PDHX: variants seen among roughly 807,000 people sequenced by gnomAD.
The protein encoded by PDHX is pyruvate dehydrogenase protein X component, mitochondrial.
PDHX carries 33 observed loss-of-function variants against 55.3 expected under a neutral mutation model. The observed-to-expected ratio is 0.60, with a 90% confidence interval of 0.45 to 0.80. The LOEUF (loss-of-function observed/expected upper bound fraction) is 0.80, where lower values mean the gene tolerates loss of function less well. Ranked by LOEUF, PDHX falls within the 30% of genes least tolerant of loss-of-function variation. PDHX has a pLI of 0.00. For synonymous variants in PDHX, 226 were observed against 219.4 expected, an observed-to-expected ratio of 1.03 and a Z score of -0.27; for missense variants, 622 against 619.9, an observed-to-expected ratio of 1.00 and a Z score of -0.04.
intron 7 of PDHX, among the ~76,000 whole-genome samples, chr11:34,973,083 T>C (rs7117023): frequency 0.047 from 7,191 of 152,240 alleles, 542 homozygotes; most frequent in African/African-American, 0.16. Context: ...TCCTTTCAGC[T>C]CTGTCGGTTT....
At position 34,978,289 on chromosome 11, in the gene PDHX, A is replaced by G. The variant is rs565573712; in HGVS notation, c.1023+107A>G. The G allele has an allele frequency of 2.5e-3, 1,813 of 728,468 alleles. 7 individuals carry two copies. Among genetic ancestry groups the G allele is most frequent in the Middle Eastern group, 3.1e-3 (12 of 3,810 alleles). 45.1% of individuals were successfully genotyped at this position (728,468 alleles called of 1,614,324 possible). On this transcript the variant is annotated intron_variant, in intron 8 of 10. Transcript: ENST00000227868. ...ATTTTTAAATCACAAAAATTTTATA[A>G]TTGTCTTGCTAAAAATATCCTATCG... is the stretch of plus-strand genomic sequence containing the variant.
chr11:34,978,738 T>C (rs1342894562), intron 8 of PDHX, among the ~76,000 whole-genome samples: 1 of 151,582 alleles, frequency 6.6e-6, no homozygotes, highest in Non-Finnish European at 1.5e-5. Context: ...GTGCTGAGGG[T>C]GGAATGTGCC....
rs1590721698 is a variant in PDHX, at chr11:34,916,769, C to T, written c.114C>T (p.Ser38=). ...LVKGALGWSV[S]RGANWRWFHS... The stretch of plus-strand genomic sequence containing the variant: ...AGGGGGCTCTTGGGTGGTCTGTAAG[C>T]CGCGGAGCTAATTGGAGATGGTTTC... The change falls in exon 1 of 11, where the codon AGC becomes AGT. Residue 38 remains serine (S), a synonymous_variant. Transcript: ENST00000227868. 1 of 1,606,958 alleles carries T rather than the reference C, an allele frequency of 6.2e-7. No homozygotes were observed. The highest frequency in any genetic ancestry group is 8.5e-7 in the Non-Finnish European group (1 of 1,176,956).
At chr11:34,985,006 G>C in intron 9 of PDHX, 1 of 353,160 alleles carries the variant, frequency 2.8e-6, no homozygotes, top group Non-Finnish European at 5.2e-6. Context: ...ATTTTCCAAA[G>C]TCCAGAATTC....
chr11:34,963,482 G>A (rs553644018), intron 5 of PDHX, among the ~76,000 whole-genome samples: 2 of 152,246 alleles, frequency 1.3e-5, no homozygotes, highest in Admixed American at 6.5e-5. Flanking sequence ...TTCTCACTAG[G>A]TTGCCCAGGC....
intron 2 of PDHX, among the ~76,000 whole-genome samples, chr11:34,936,610 A>AC (rs935563515): frequency 2.6e-5 from 4 of 152,220 alleles, no homozygotes; most frequent in African/African-American, 9.6e-5. Context: ...ATACTTTTGC[A>AC]ACAGCAGGTA....
At chr11:34,968,041 G>C (rs1855172222) in intron 6 of PDHX, among the ~76,000 whole-genome samples, 1 of 152,058 alleles carries the variant, frequency 6.6e-6, no homozygotes, top group African/African-American at 2.4e-5. Context: ...AGGCTGAGGT[G>C]GGAGGATTGC....
chr11:34,922,481 A>T (rs551498299), intron 1 of PDHX, among the ~76,000 whole-genome samples: 30 of 152,192 alleles, frequency 2.0e-4, no homozygotes, highest in Non-Finnish European at 3.8e-4. Flanking sequence ...CTGTTTCCTT[A>T]ACCATAGTCT....
Position 34,995,752 on chromosome 11 carries a change from A to G in PDHX, c.*580A>G, listed in dbSNP as rs1215189525. 1 of 154,742 alleles carries G rather than the reference A, an allele frequency of 6.5e-6. No individual in the cohort carries two copies. The highest frequency in any genetic ancestry group is 6.4e-5 in the Admixed American group (1 of 15,586). The allele number at this position is 154,742 out of a possible 1,614,324, so 9.6% of individuals were successfully genotyped here. A position where few individuals can be genotyped will look rare whatever the true frequency, so the allele number is the denominator to read the frequency against. On this transcript the variant is annotated 3_prime_UTR_variant, in exon 11 of 11. Transcript: ENST00000227868. ...TTGAATTTTTTATGTACATAAAGCCATATGTTTAGGGTGGTTTCTATCTGT... is the reference window on the plus strand; with the variant it reads ...TTGAATTTTTTATGTACATAAAGCCGTATGTTTAGGGTGGTTTCTATCTGT...
At chr11:34,983,122 C>T (rs898392447) in intron 8 of PDHX, among the ~76,000 whole-genome samples, 1 of 152,214 alleles carries the variant, frequency 6.6e-6, no homozygotes, top group African/African-American at 2.4e-5. Context: ...GTTCAACATA[C>T]GAAAATCAAT....
At position 34,957,408 on chromosome 11, in the gene PDHX, C is replaced by T. The variant is rs773313977; in HGVS notation, c.367C>T (p.Arg123Trp). The change falls in exon 4 of 11, where the codon CGG becomes TGG. Residue 123 changes from arginine to tryptophan, a missense_variant. Physicochemically the swap from Arg to Trp is moderately radical, Grantham distance 101. Transcript: ENST00000227868. ...GGTTGAAGAAGGAAGTAAAAATATA[C>T]GGCTAGGTTCACTAATTGGTTTGAT... ...IVVEEGSKNI[R>W]LGSLIGLIVE... 8.8e-5 allele frequency: 142 copies of T among 1,609,426 alleles called. No individual in the cohort carries two copies. The highest frequency in any genetic ancestry group is 1.1e-4 in the African/African-American group (8 of 74,788).
At chr11:34,933,977 C>T (rs1357028923) in intron 2 of PDHX, among the ~76,000 whole-genome samples, 4 of 152,080 alleles carry the variant, frequency 2.6e-5, no homozygotes, top group Non-Finnish European at 4.4e-5. Flanking sequence ...GAAATTAACT[C>T]ATTTTGAAAA....
intron 3 of PDHX, among the ~76,000 whole-genome samples, chr11:34,953,246 T>C (rs1020126635): frequency 1.3e-5 from 2 of 152,134 alleles, no homozygotes; most frequent in Non-Finnish European, 2.9e-5. Flanking sequence ...GAATCAATAT[T>C]GTGAAAATGG....
intron 1 of PDHX, among the ~76,000 whole-genome samples, chr11:34,927,552 A>C (rs1785891903): frequency 6.6e-6 from 1 of 152,206 alleles, no homozygotes; most frequent in African/African-American, 2.4e-5. Flanking sequence ...AATTATGTGC[A>C]GGCCTGTCAC....
At chr11:34,922,525 T>G (rs1032771956) in intron 1 of PDHX, among the ~76,000 whole-genome samples, 4 of 152,182 alleles carry the variant, frequency 2.6e-5, no homozygotes, top group African/African-American at 9.7e-5. Context: ...GATTATAGAT[T>G]TCAGCAGAAC....
intron 1 of PDHX, among the ~76,000 whole-genome samples, chr11:34,927,046 GACTTT>G (rs1453455662): frequency 5.3e-5 from 8 of 152,132 alleles, no homozygotes; most frequent in Non-Finnish European, 1.5e-5. Context: ...TGAGTCATGA[GACTTT>G]ACTTTTAAAA....
intron 1 of PDHX, among the ~76,000 whole-genome samples, chr11:34,927,229 TTAAATTTTAAC>T (rs1188846799): frequency 2.0e-5 from 3 of 151,116 alleles, no homozygotes; most frequent in African/African-American, 7.3e-5. Context: ...CTACAAAACG[TTAAATTTTAAC>T]TAAATTTTGA....
chr11:34,952,119 A>G (rs1477300128), intron 3 of PDHX, among the ~76,000 whole-genome samples: 6 of 151,916 alleles, frequency 3.9e-5, no homozygotes, highest in Admixed American at 3.9e-4. Flanking sequence ...CTCGACACAT[A>G]CACTCTCCCA....
At chr11:34,939,468 GGTGTGTGTGT>G (rs68165754) in intron 2 of PDHX, among the ~76,000 whole-genome samples, 16,528 of 149,092 alleles carry the variant, frequency 0.11, 1,077 homozygotes, top group African/African-American at 0.19. Context: ...TTTTACTAAT[GGTGTGTGTGT>G]GTGTGTGTGT....
Sources: gnomAD v4.1 joint callset for allele counts (sites outside exome capture counted in the v4.1 genomes callset) on GRCh38, gnomAD v4.1.1 for gene constraint, MANE v1.5 for transcripts, NCBI Gene and HGNC (gene_info 2026-07-23, HGNC 2026-07-21) for gene names.